Variants in BICDL1 observed in about 807,000 individuals in gnomAD.
BICDL1 encodes the protein BICD family-like cargo adapter 1.
In BICDL1, 20 loss-of-function variants were observed where a neutral mutation model predicts 76.8. The ratio of observed to expected loss-of-function variants is 0.26; its 90% CI spans 0.18 to 0.38. The LOEUF is 0.38. BICDL1 is among the 10% of genes least tolerant of loss of function. The pLI is 1.00. For synonymous variants in BICDL1, 383 were observed against 337.1 expected (o/e 1.14, Z -1.49); for missense variants, 700 against 798.6 (o/e 0.88, Z 1.49).
At chr12:120,064,580 G>T (rs747679685) in intron 3 of BICDL1, 153 bp from the exon 4 acceptor site, 37 of 665,686 alleles carry the variant, frequency 5.6e-5, no homozygotes, top group Non-Finnish European at 8.5e-5. Context: ...TCAGCTTAGG[G>T]TTTCATAGCT....
intron 2 of BICDL1, among the ~76,000 whole-genome samples, chr12:120,050,305 C>T (rs1483262497): frequency 6.8e-5 from 10 of 146,854 alleles, no homozygotes; most frequent in East Asian, 2.0e-4. Context: ...CTCACTCTGT[C>T]GCCCAGGCTG....
chr12:120,092,579 G>A, intron 9 of BICDL1: 2 of 985,482 alleles, frequency 2.0e-6, no homozygotes, highest in Non-Finnish European at 2.4e-6. Context: ...TTAAGCTGAG[G>A]TGGCCCTAGG....
At chr12:120,058,860 G>C (rs1352590914) in intron 2 of BICDL1, among the ~76,000 whole-genome samples, 2 of 151,890 alleles carry the variant, frequency 1.3e-5, no homozygotes, top group Non-Finnish European at 2.9e-5. Flanking sequence ...CAAAGTGCTG[G>C]GATTAGAGGC....
At chr12:120,072,426 TATTTTGGGTTCAG>T (rs1383428273) in intron 5 of BICDL1, 72 bp from the exon 6 acceptor site, 2 of 1,251,018 alleles carry the variant, frequency 1.6e-6, no homozygotes, top group Non-Finnish European at 2.3e-6. Context: ...TGGGTATCAG[TATTTTGGGTTCAG>T]AGCTAGAAAA....
At position 120,071,890 on chromosome 12, in the gene BICDL1, C is replaced by A. The variant is rs1873134520; in HGVS notation, c.1089+89C>A. 1 of 1,435,074 alleles carries A rather than the reference C, an allele frequency of 7.0e-7. No homozygotes were observed. Among genetic ancestry groups the A allele is most frequent in the South Asian group, 1.5e-5 (1 of 65,954 alleles). The allele number at this position is 1,435,074 out of a possible 1,614,324, so 88.9% of individuals were successfully genotyped here. On this transcript the variant is annotated intron_variant, in intron 5 of 9. Transcript: ENST00000548673. This position sits in a 1 kb window ranked among gnomAD's most constrained non-coding sequence, Gnocchi z 4.8. ...CCCTAGTGCTCAGCTGCCATCCTGG[C>A]AAGGCTGTGCCCCTGTGCCTGTGTC...
rs546493540 is a variant in BICDL1 at position 120,072,796 on chromosome 12, G to T, written c.1308+67G>T. ...GGCTGGTGGGAGGTTAGAACCCAGT[G>T]CATAGGGTGAGGTCAGCCATGGAAC... is the stretch of plus-strand genomic sequence containing the variant. On this transcript the variant is annotated intron_variant, in intron 6 of 9. Coordinates refer to ENST00000548673, the MANE Select transcript of BICDL1 (RefSeq NM_001367886.1). 8.8e-6 allele frequency: 12 copies of T among 1,365,166 alleles called. No individual in the cohort carries two copies. The South Asian group carries it at 1.1e-4, about 12-fold the overall frequency. 84.6% of individuals were successfully genotyped at this position (1,365,166 alleles called of 1,614,324 possible). A position where few individuals can be genotyped will look rare whatever the true frequency, so the allele number is the denominator to read the frequency against.
intron 4 of BICDL1, among the ~76,000 whole-genome samples, chr12:120,069,942 T>C (rs1217059374): frequency 6.6e-6 from 1 of 152,250 alleles, no homozygotes; most frequent in Non-Finnish European, 1.5e-5. Context: ...TGTTCAACAT[T>C]GTGTCTGTGA....
At chr12:120,000,703 A>G (rs1951741879) in intron 2 of BICDL1, 1 of 152,218 alleles carries the variant, frequency 6.6e-6, no homozygotes, top group Admixed American at 6.5e-5. Context: ...GGGAAAAAGC[A>G]GATTTCAACA....
intron 2 of BICDL1, 91 bp from the exon 3 acceptor site, chr12:120,061,619 C>A: frequency 1.1e-6 from 1 of 889,000 alleles, no homozygotes; most frequent in Non-Finnish European, 1.9e-6. Flanking sequence ...ATAGAAAGTG[C>A]AAAGAGATGC....
Position 119,989,895 on chromosome 12 carries a change from C to T in BICDL1, c.27C>T (p.Val9=). MSAFCLGL[V]GRASAPAEPD... Reference sequence around the variant, plus strand: ...TGTCCGCTTTCTGCCTGGGCTTGGTCGGCCGCGCTTCAGCACCCGCCGAGC... The same window carrying T: ...TGTCCGCTTTCTGCCTGGGCTTGGTTGGCCGCGCTTCAGCACCCGCCGAGC... Residue 9 remains valine, a synonymous_variant, in exon 1 of 10, where the codon GTC becomes GTT. Transcript: ENST00000548673. 2 of 1,441,032 alleles carry T rather than the reference C, an allele frequency of 1.4e-6. No homozygotes were observed. Among genetic ancestry groups the T allele is most frequent in the Non-Finnish European group, 9.0e-7 (1 of 1,108,840 alleles). 89.3% of individuals were successfully genotyped at this position (1,441,032 alleles called of 1,614,324 possible).
chr12:120,036,867 C>T (rs1175822131), intron 2 of BICDL1, among the ~76,000 whole-genome samples: 1 of 152,178 alleles, frequency 6.6e-6, no homozygotes, highest in East Asian at 1.9e-4. Context: ...CAGAGTGAGA[C>T]TTTGTCTCAA....
intron 2 of BICDL1, among the ~76,000 whole-genome samples, chr12:120,010,793 GT>G (rs146416898): frequency 6.6e-6 from 1 of 152,282 alleles, no homozygotes; most frequent in African/African-American, 2.4e-5. Context: ...TCTATGACTA[GT>G]TAAGGAAGCA....
At chr12:120,038,407 A>G (rs1269651829) in intron 2 of BICDL1, among the ~76,000 whole-genome samples, 2 of 152,162 alleles carry the variant, frequency 1.3e-5, no homozygotes, top group Non-Finnish European at 2.9e-5. Flanking sequence ...TTATGACCAA[A>G]CATCAATGTG....
chr12:120,001,953 G>A (rs1951768075), intron 2 of BICDL1, among the ~76,000 whole-genome samples: 1 of 152,118 alleles, frequency 6.6e-6, no homozygotes, highest in South Asian at 2.1e-4. Context: ...GATTGCTTGA[G>A]CCCAGGACTT....
chr12:120,085,843 C>T (rs543788027), intron 8 of BICDL1, among the ~76,000 whole-genome samples: 4 of 141,094 alleles, frequency 2.8e-5, no homozygotes, highest in Non-Finnish European at 4.6e-5. Context: ...GATAGAAGTA[C>T]ACATGGGTTG....
rs559423536 is a variant in BICDL1, at chr12:120,076,215, G to C, written c.1452+1629G>C. ...TAGAGACTTGGGTTAGGCAGCCACA[G>C]ACATTCACCCGCCTGAAACCTAAGT... On this transcript the variant is annotated intron_variant, in intron 7 of 9. Coordinates refer to ENST00000548673, the MANE Select transcript of BICDL1 (RefSeq NM_001367886.1). Among the ~76,000 whole-genome samples the C allele has an allele frequency of 2.0e-5, 3 of 152,328 alleles. No individual in the cohort carries two copies. The South Asian group carries it at 6.2e-4, about 32-fold the overall frequency.
chr12:120,092,262 C>T (rs1875036098), intron 9 of BICDL1: 3 of 985,216 alleles, frequency 3.0e-6, no homozygotes, highest in African/African-American at 1.7e-5. Context: ...CATGGTGGGG[C>T]GGGCTGTGGG....
chr12:120,026,446 AT>A (rs1952304130), intron 2 of BICDL1, among the ~76,000 whole-genome samples: 1 of 152,214 alleles, frequency 6.6e-6, no homozygotes, highest in Non-Finnish European at 1.5e-5. Context: ...CTAAAAAAAA[AT>A]AATATTGTCA....
chr12:120,055,780 G>T (rs1161532497), intron 2 of BICDL1, among the ~76,000 whole-genome samples: 2 of 152,184 alleles, frequency 1.3e-5, no homozygotes, highest in South Asian at 2.1e-4. Flanking sequence ...AATACCCAGT[G>T]GTGGCAGAGT....
Sources: gnomAD v4.1 joint callset for allele counts (sites outside exome capture counted in the v4.1 genomes callset) on GRCh38, gnomAD v4.1.1 for gene constraint, Gnocchi (gnomAD v3.1) non-coding constraint, MANE v1.5 for transcripts, NCBI Gene and HGNC (gene_info 2026-07-23, HGNC 2026-07-21) for gene names.